The following ZDHHC21 variants were observed in gnomAD, a reference collection of about 807,000 sequenced individuals.
ZDHHC21 encodes palmitoyltransferase ZDHHC21.
ZDHHC21 carries 15 observed loss-of-function variants against 34.6 expected under a neutral mutation model. The ratio of observed to expected loss-of-function variants is 0.43; its 90% CI spans 0.29 to 0.67. The LOEUF is 0.67. Ranked by LOEUF, ZDHHC21 falls within the 30% of genes least tolerant of loss-of-function variation. ZDHHC21 has a pLI of 0.14. For synonymous variants in ZDHHC21, 142 were observed against 101.8 expected (o/e 1.40, Z -2.38); for missense variants, 344 against 327.7 (o/e 1.05, Z -0.38).
chr9:14,599,238 T>C, the ZDHHC21 span, among the ~76,000 whole-genome samples: 4 of 152,160 alleles, frequency 2.6e-5, no homozygotes, highest in Non-Finnish European at 5.9e-5. Context: ...CATTTCCAAC[T>C]GAGGTACCCG....
In ZDHHC21 at chr9:14,639,929, T is replaced by C. The variant is rs146478966; in HGVS notation, c.588A>G (p.Gly196=). The C allele has an allele frequency of 2.9e-4, 459 of 1,606,222 alleles. No individual in the cohort carries two copies. The highest frequency in any genetic ancestry group is 3.7e-4 in the Non-Finnish European group (437 of 1,175,446). Reference sequence around the variant, plus strand: ...TGCCAATTAGTTGAGTGTAAAAGAGTCCAGTTATTCCAACTAACATAGTAA... The same window carrying C: ...TGCCAATTAGTTGAGTGTAAAAGAGCCCAGTTATTCCAACTAACATAGTAA... ...MGITMLVGIT[G]LFYTQLIGII... The change falls in exon 8 of 10, where the codon GGA becomes GGG. Residue 196 remains glycine, a synonymous_variant. Transcript: ENST00000380916.
At chr9:14,636,981 T>G (rs1392711608) in intron 8 of ZDHHC21, among the ~76,000 whole-genome samples, 1 of 151,876 alleles carries the variant, frequency 6.6e-6, no homozygotes, top group African/African-American at 2.4e-5. Context: ...AGTCTAATGA[T>G]GCACCTCAAG....
intron 1 of ZDHHC21, among the ~76,000 whole-genome samples, chr9:14,691,901 C>G (rs1839212941): frequency 6.6e-6 from 1 of 152,128 alleles, no homozygotes; most frequent in Admixed American, 6.5e-5. Flanking sequence ...TCCAAGTAAG[C>G]ATGGAAAAGC....
At chr9:14,602,413 T>C in the ZDHHC21 span, among the ~76,000 whole-genome samples, 2 of 152,146 alleles carry the variant, frequency 1.3e-5, no homozygotes, top group South Asian at 2.1e-4. Flanking sequence ...AGAAAACTTA[T>C]TTAATGAAAT....
At chr9:14,661,267 A>G (rs893077114) in intron 6 of ZDHHC21, among the ~76,000 whole-genome samples, 4 of 143,990 alleles carry the variant, frequency 2.8e-5, no homozygotes, top group Non-Finnish European at 6.1e-5. Flanking sequence ...TTGCTGAATA[A>G]CTGTGCTATC....
intron 9 of ZDHHC21, among the ~76,000 whole-genome samples, chr9:14,619,385 T>G (rs140507247): frequency 6.6e-6 from 1 of 152,264 alleles, no homozygotes; most frequent in Non-Finnish European, 1.5e-5. Flanking sequence ...TCTTTTGATG[T>G]ACTTTCAGGA....
chr9:14,595,801 G>A, the ZDHHC21 span, among the ~76,000 whole-genome samples: 2 of 152,076 alleles, frequency 1.3e-5, no homozygotes, highest in Admixed American at 1.3e-4. Flanking sequence ...TCCAAAAGAA[G>A]AAAATACAAG....
chr9:14,670,327 A>C (rs1192794888), intron 5 of ZDHHC21, among the ~76,000 whole-genome samples: 1 of 152,168 alleles, frequency 6.6e-6, no homozygotes, highest in African/African-American at 2.4e-5. Context: ...TACAAACTAC[A>C]GTCTGCAGGC....
At chr9:14,596,473 T>G in the ZDHHC21 span, among the ~76,000 whole-genome samples, 1 of 152,142 alleles carries the variant, frequency 6.6e-6, no homozygotes, top group Admixed American at 6.5e-5. Flanking sequence ...ACATGCTGCT[T>G]GTGTGTGTTG....
chr9:14,625,816 C>G (rs1047788068), intron 8 of ZDHHC21, among the ~76,000 whole-genome samples: 4 of 151,910 alleles, frequency 2.6e-5, no homozygotes, highest in South Asian at 2.1e-4. Context: ...AGCTTATAAT[C>G]CAGTTGAAAA....
chr9:14,682,078 G>A (rs1337257629), intron 2 of ZDHHC21, among the ~76,000 whole-genome samples: 1 of 152,150 alleles, frequency 6.6e-6, no homozygotes, highest in Non-Finnish European at 1.5e-5. Context: ...ACCAGCCACT[G>A]CAAAAATATG....
At chr9:14,647,155 AGAG>A (rs1261052472) in intron 7 of ZDHHC21, among the ~76,000 whole-genome samples, 2 of 152,164 alleles carry the variant, frequency 1.3e-5, no homozygotes. Flanking sequence ...ATAAACCAGC[AGAG>A]GAGGAGAGGG....
the ZDHHC21 span, among the ~76,000 whole-genome samples, chr9:14,605,211 T>TC: frequency 2.0e-5 from 3 of 151,986 alleles, no homozygotes; most frequent in African/African-American, 7.2e-5. Context: ...TTCATTTTTT[T>TC]TTTTTTTAAT....
chr9:14,658,137 T>C (rs1338924238), intron 7 of ZDHHC21, among the ~76,000 whole-genome samples: 6 of 152,232 alleles, frequency 3.9e-5, no homozygotes, highest in African/African-American at 1.4e-4. Context: ...TTTTTATTCC[T>C]GAAAAGAAAC....
chr9:14,681,872 C>T (rs369656792), intron 2 of ZDHHC21, among the ~76,000 whole-genome samples: 33 of 152,044 alleles, frequency 2.2e-4, no homozygotes, highest in South Asian at 6.2e-4. Flanking sequence ...CAGAAGAGAA[C>T]GGGGGCCAAT....
chr9:14,591,365 C>G, the ZDHHC21 span, among the ~76,000 whole-genome samples: 3 of 152,092 alleles, frequency 2.0e-5, no homozygotes, highest in Admixed American at 1.3e-4. Context: ...TAAATTTGGT[C>G]CCTTTTAGCA....
At chr9:14,642,722 T>C (rs1184820967) in intron 7 of ZDHHC21, among the ~76,000 whole-genome samples, 1 of 152,172 alleles carries the variant, frequency 6.6e-6, no homozygotes, top group Non-Finnish European at 1.5e-5. Flanking sequence ...AGGAGAAAAC[T>C]AACCTGCTGA....
chr9:14,689,793 C>G (rs1206473589), intron 2 of ZDHHC21, among the ~76,000 whole-genome samples: 1 of 152,172 alleles, frequency 6.6e-6, no homozygotes, highest in African/African-American at 2.4e-5. Context: ...GAGACAGGGT[C>G]TCACTATGTT....
At chr9:14,606,857 C>T (rs763902194), downstream of ZDHHC21, among the ~76,000 whole-genome samples, 37 of 151,982 alleles carry the variant, frequency 2.4e-4, no homozygotes, top group Non-Finnish European at 4.9e-4. Context: ...AAAAACCAGA[C>T]GTTCACCTCT....
Sources: gnomAD v4.1 joint callset for allele counts (sites outside exome capture counted in the v4.1 genomes callset) on GRCh38, gnomAD v4.1.1 for gene constraint, MANE v1.5 for transcripts, NCBI Gene and HGNC (gene_info 2026-07-23, HGNC 2026-07-21) for gene names.